CFAP20DC: variants seen among roughly 807,000 people sequenced by gnomAD.
CFAP20DC encodes the protein protein CFAP20DC.
CFAP20DC carries 84 observed loss-of-function variants against 101.7 expected under a neutral mutation model. That is an observed-to-expected ratio of 0.83 (90% CI 0.69 to 0.99). The LOEUF is 0.99. Among genes scored for constraint, CFAP20DC ranks in the 50% least tolerant of loss-of-function variants. The pLI is 0.00. For synonymous variants in CFAP20DC, 359 were observed against 351.2 expected (o/e 1.02, Z -0.25); for missense variants, 1,007 against 970.3 (o/e 1.04, Z -0.50).
At chr3:58,784,893 C>A (rs1378504292) in intron 15 of CFAP20DC, among the ~76,000 whole-genome samples, 1 of 152,010 alleles carries the variant, frequency 6.6e-6, no homozygotes, top group Non-Finnish European at 1.5e-5. Context: ...AAGCTAAAAA[C>A]AGAACTACCA....
chr3:58,862,991 T>G (rs1038736835), intron 12 of CFAP20DC: 47 of 972,650 alleles, frequency 4.8e-5, no homozygotes, highest in Non-Finnish European at 8.6e-6. Flanking sequence ...ATATCCATAT[T>G]CTAAATAATT....
Position 59,011,656 on chromosome 3 carries a change from A to G in CFAP20DC, c.278+27901T>C, listed in dbSNP as rs570044447. ...TGGAAACAAAAAAAATACGAAAGAT[A>G]AGTCTCTTTGAAAAGATAAAATTGA... On this transcript the variant is annotated intron_variant, in intron 4 of 16. Transcript: ENST00000482387. Among the ~76,000 whole-genome samples the G allele has an allele frequency of 7.0e-4, 106 of 152,276 alleles. 3 individuals are homozygous for G. In the South Asian group the frequency reaches 0.021, roughly 30 times the overall value.
In CFAP20DC at chr3:58,729,970, A is replaced by T. The variant is rs2067612615; in HGVS notation, c.198-12342T>A. 6.7e-6 allele frequency among the ~76,000 whole-genome samples: 1 copy of T among 150,234 alleles called. No individual in the cohort carries two copies. Among genetic ancestry groups the T allele is most frequent in the Non-Finnish European group, 1.5e-5 (1 of 67,782 alleles). On this transcript the variant is annotated intron_variant, in intron 3 of 3. Coordinates refer to the CFAP20DC transcript ENST00000486145. This position sits in a 1 kb window ranked among gnomAD's most constrained non-coding sequence, Gnocchi z 4.4. The stretch of plus-strand genomic sequence containing the variant: ...GAGGCAGAGGTTGTGGTGAACTGAG[A>T]TCACGCCATTGCATTCCAGCCTGGG...
At chr3:58,764,133 G>T (rs1388939060) in intron 15 of CFAP20DC, among the ~76,000 whole-genome samples, 1 of 152,200 alleles carries the variant, frequency 6.6e-6, no homozygotes, top group African/African-American at 2.4e-5. Flanking sequence ...GCCCCCCAGA[G>T]GTGGAGTCTA....
At chr3:59,026,505 C>T (rs2093895640) in intron 4 of CFAP20DC, among the ~76,000 whole-genome samples, 1 of 152,104 alleles carries the variant, frequency 6.6e-6, no homozygotes, top group Non-Finnish European at 1.5e-5. Flanking sequence ...GCAAATTTTC[C>T]ACAGGAAGAG....
chr3:58,950,078 G>A (rs1203192664), intron 4 of CFAP20DC, among the ~76,000 whole-genome samples: 2 of 152,088 alleles, frequency 1.3e-5, no homozygotes, highest in Non-Finnish European at 2.9e-5. Context: ...CAAAGTCTCA[G>A]GATACAAAAT....
intron 4 of CFAP20DC, among the ~76,000 whole-genome samples, chr3:58,943,601 C>T (rs186978115): frequency 1.4e-4 from 22 of 152,274 alleles, no homozygotes; most frequent in African/African-American, 5.1e-4. Flanking sequence ...GTAGATAAAT[C>T]CGCGAAGATG....
At chr3:58,786,754 C>T (rs1482005558) in intron 15 of CFAP20DC, among the ~76,000 whole-genome samples, 4 of 151,398 alleles carry the variant, frequency 2.6e-5, no homozygotes, top group East Asian at 2.0e-4. Flanking sequence ...AAGTAAAAAC[C>T]GCAAAAGTTC....
chr3:58,727,003 T>C lies in CFAP20DC; in HGVS notation c.198-9375A>G, dbSNP rs1162522100. 16 of 247,136 alleles carry C rather than the reference T, an allele frequency of 6.5e-5. No homozygotes were observed. In the Admixed American group the frequency reaches 9.5e-4, roughly 15 times the overall value. The allele number at this position is 247,136 out of a possible 1,614,324, so 15.3% of individuals were successfully genotyped here. A position where few individuals can be genotyped will look rare whatever the true frequency, so the allele number is the denominator to read the frequency against. On this transcript the variant is annotated intron_variant, in intron 3 of 3. Coordinates refer to the CFAP20DC transcript ENST00000486145. ...CTCACACCATCAGAACAGATGAGAA[T>C]GACCCATCACTTCCACTCACACCAT...
chr3:58,858,297 T>C (rs1043017590), intron 12 of CFAP20DC, among the ~76,000 whole-genome samples: 2 of 152,198 alleles, frequency 1.3e-5, no homozygotes, highest in African/African-American at 4.8e-5. Context: ...GGAACATCAA[T>C]AGAGTTTGCC....
intron 15 of CFAP20DC, among the ~76,000 whole-genome samples, chr3:58,771,181 A>G (rs1453913505): frequency 1.3e-5 from 2 of 152,036 alleles, no homozygotes; most frequent in Non-Finnish European, 2.9e-5. Flanking sequence ...GTTCTCACTC[A>G]TAAGTGGGAG....
chr3:58,744,698 TA>T (rs2068075106), intron 16 of CFAP20DC, among the ~76,000 whole-genome samples: 1 of 152,024 alleles, frequency 6.6e-6, no homozygotes, highest in African/African-American at 2.4e-5. Flanking sequence ...AGTGAGAAGT[TA>T]AGAAAATCTG....
chr3:58,790,168 CCTT>C (rs1194908875), intron 15 of CFAP20DC, among the ~76,000 whole-genome samples: 4 of 152,204 alleles, frequency 2.6e-5, no homozygotes, highest in African/African-American at 4.8e-5. Flanking sequence ...GTCCCTTCCT[CCTT>C]CTTCTAATTA....
chr3:59,028,597 G>A (rs915378553), intron 4 of CFAP20DC, among the ~76,000 whole-genome samples: 4 of 152,138 alleles, frequency 2.6e-5, no homozygotes, highest in South Asian at 2.1e-4. Context: ...GTAAGGCAGC[G>A]TGGCAAGGGA....
At position 58,748,343 on chromosome 3, in the gene CFAP20DC, G is replaced by A. The variant is rs760215945; in HGVS notation, c.2332+5426C>T. ...ATTCCAGCAAGGAAAGCTGGGACCA[G>A]CCTTCTGGGTTGCACGTGGTGGATA... is the stretch of plus-strand genomic sequence containing the variant. On this transcript the variant is annotated intron_variant, in intron 16 of 16. Coordinates refer to ENST00000482387, the MANE Select transcript of CFAP20DC (RefSeq NM_001394063.1). Among the ~76,000 whole-genome samples the A allele has an allele frequency of 3.9e-5, 6 of 152,164 alleles. No individual in the cohort carries two copies. In the South Asian group the frequency reaches 1.0e-3, roughly 26 times the overall value.
intron 4 of CFAP20DC, among the ~76,000 whole-genome samples, chr3:59,036,627 GCT>G (rs1447296244): frequency 6.6e-6 from 1 of 152,118 alleles, no homozygotes; most frequent in Non-Finnish European, 1.5e-5. Flanking sequence ...ATAAACCACT[GCT>G]CAAGGAAATA....
intron 5 of CFAP20DC, among the ~76,000 whole-genome samples, chr3:58,929,638 A>G (rs1576347524): frequency 6.6e-6 from 1 of 152,336 alleles, no homozygotes; most frequent in Middle Eastern, 3.4e-3. Context: ...CCATCCATTT[A>G]TTCCATAATC....
intron 16 of CFAP20DC, among the ~76,000 whole-genome samples, chr3:58,750,921 T>C (rs1444761942): frequency 6.6e-6 from 1 of 152,198 alleles, no homozygotes; most frequent in Non-Finnish European, 1.5e-5. Flanking sequence ...TGGGTCAAAG[T>C]TCAATACTCT....
chr3:58,951,137 C>A (rs1319260749), intron 4 of CFAP20DC, among the ~76,000 whole-genome samples: 1 of 151,846 alleles, frequency 6.6e-6, no homozygotes, highest in African/African-American at 2.4e-5. Flanking sequence ...ATTTATGCAG[C>A]CAAAAGACAC....
Sources: gnomAD v4.1 joint callset for allele counts (sites outside exome capture counted in the v4.1 genomes callset) on GRCh38, gnomAD v4.1.1 for gene constraint, Gnocchi (gnomAD v3.1) non-coding constraint, MANE v1.5 for transcripts, NCBI Gene and HGNC (gene_info 2026-07-23, HGNC 2026-07-21) for gene names.